Variants in CHL1 observed in about 807,000 individuals in gnomAD.
The protein encoded by CHL1 is neural cell adhesion molecule L1-like protein.
CHL1 carries 96 observed loss-of-function variants against 141.9 expected under a neutral mutation model. The observed-to-expected ratio is 0.68, with a 90% CI of 0.57 to 0.80. The LOEUF (loss-of-function observed/expected upper bound fraction) is 0.80. Among genes scored for constraint, CHL1 ranks in the 30% least tolerant of loss-of-function variants. CHL1 has a pLI of 0.00. For synonymous variants in CHL1, 613 were observed against 502.2 expected, an observed-to-expected ratio of 1.22 and a Z score of -2.95; for missense variants, 1,820 against 1,457.2, an observed-to-expected ratio of 1.25 and a Z score of -4.05.
At chr3:405,453 T>C in intron 27 of CHL1, 42 bp from the exon 28 acceptor site, 2 of 1,246,420 alleles carry the variant, frequency 1.6e-6, no homozygotes, top group Non-Finnish European at 2.4e-6. Context: ...TGAATATTAA[T>C]ATTAGATTTT....
intron 1 of CHL1, among the ~76,000 whole-genome samples, chr3:225,207 A>C (rs1701203367): frequency 6.6e-6 from 1 of 152,236 alleles, no homozygotes; most frequent in Admixed American, 6.5e-5. Context: ...TTATTCATTC[A>C]ACATATAATT....
At chr3:211,164 TGAG>T (rs1202249422) in intron 1 of CHL1, among the ~76,000 whole-genome samples, 10 of 152,304 alleles carry the variant, frequency 6.6e-5, no homozygotes, top group African/African-American at 2.4e-4. Context: ...GCTTCACTCT[TGAG>T]GAGGGAGAGA....
chr3:275,524 C>T (rs1285917367), intron 2 of CHL1, among the ~76,000 whole-genome samples: 2 of 152,164 alleles, frequency 1.3e-5, no homozygotes, highest in African/African-American at 4.8e-5. Context: ...GTTTTAGGTG[C>T]TATCTGGACT....
intron 2 of CHL1, among the ~76,000 whole-genome samples, chr3:302,479 C>T (rs570125826): frequency 1.3e-5 from 2 of 152,276 alleles, no homozygotes; most frequent in East Asian, 1.9e-4. Context: ...TTTTGATTTG[C>T]ATTTCTCTAA....
chr3:303,773 T>G (rs1396519695), intron 2 of CHL1, among the ~76,000 whole-genome samples: 1 of 152,042 alleles, frequency 6.6e-6, no homozygotes, highest in African/African-American at 2.4e-5. Context: ...TGAATAGGAG[T>G]GGTGAGAGAG....
intron 2 of CHL1, among the ~76,000 whole-genome samples, chr3:294,683 A>G (rs897496477): frequency 3.7e-5 from 4 of 109,050 alleles, no homozygotes; most frequent in Admixed American, 8.5e-5. Context: ...GTAACAGTAC[A>G]GGCATGCCCA....
At position 382,538 on chromosome 3, in the gene CHL1, C is replaced by T; in HGVS notation, c.2043C>T (p.Val681=). 6.2e-7 allele frequency: 1 copy of T among 1,613,766 alleles called. No individual in the cohort carries two copies. The highest frequency in any genetic ancestry group is 1.3e-5 in the African/African-American group (1 of 74,982). ...GAAGGTGGGAGGAACTGACCAGAGT[C>T]CAAGGAAAGAAAACCACAGTTATCT... The part of the protein sequence containing the change: ...EPGRWEELTR[V]QGKKTTVILP... The change falls in exon 18 of 28, where the codon GTC becomes GTT. Residue 681 remains valine, a synonymous_variant. Coordinates refer to ENST00000256509, the MANE Select transcript of CHL1 (RefSeq NM_006614.4).
At chr3:198,831 T>C (rs116013264) in intron 1 of CHL1, among the ~76,000 whole-genome samples, 1,627 of 152,350 alleles carry the variant, frequency 0.011, 31 homozygotes, top group Middle Eastern at 0.037. Context: ...ATATTTGTAC[T>C]GCACAGTCCA....
intron 1 of CHL1, among the ~76,000 whole-genome samples, chr3:201,405 C>G (rs9867115): frequency 0.059 from 9,024 of 152,180 alleles, 291 homozygotes; most frequent in Middle Eastern, 0.11. Flanking sequence ...AGGCATTTTC[C>G]TGAAATGTTG....
chr3:340,976 AT>A, intron 6 of CHL1, 60 bp downstream of exon 6: 4 of 1,502,742 alleles, frequency 2.7e-6, no homozygotes, highest in Non-Finnish European at 3.6e-6. Context: ...CATCATATCA[AT>A]AACATAATGA....
intron 2 of CHL1, among the ~76,000 whole-genome samples, chr3:296,452 G>A (rs1380082048): frequency 6.6e-6 from 1 of 150,684 alleles, no homozygotes; most frequent in Non-Finnish European, 1.5e-5. Flanking sequence ...TCTTCCCTTT[G>A]TAATCACTTC....
chr3:356,934 A>T (rs1703773330), intron 11 of CHL1, among the ~76,000 whole-genome samples: 1 of 152,166 alleles, frequency 6.6e-6, no homozygotes, highest in African/African-American at 2.4e-5. Flanking sequence ...TTTACAAGGT[A>T]TTTTCCTGGC....
At chr3:279,327 C>T (rs764895835) in intron 2 of CHL1, among the ~76,000 whole-genome samples, 22 of 151,850 alleles carry the variant, frequency 1.4e-4, no homozygotes, top group Admixed American at 2.6e-4. Context: ...TTTTGCAGAG[C>T]CTTAAGCTTC....
intron 3 of CHL1, among the ~76,000 whole-genome samples, chr3:320,638 G>C (rs953724315): frequency 1.3e-5 from 2 of 151,894 alleles, no homozygotes; most frequent in African/African-American, 4.8e-5. Flanking sequence ...AGTGTGCAAT[G>C]ATCACACCTG....
At position 332,241 on chromosome 3, in the gene CHL1, G is replaced by C. The variant is rs115577061; in HGVS notation, c.385+3887G>C. Among the ~76,000 whole-genome samples the C allele has an allele frequency of 6.5e-3, 988 of 152,158 alleles. 13 individuals are homozygous for C. The highest frequency in any genetic ancestry group is 0.022 in the African/African-American group (927 of 41,518). Reference sequence around the variant, plus strand: ...AATACTATTCAATAGTAAATAAAACGTCAAGAATATGTTGAGCAATAAAAG... The same window carrying C: ...AATACTATTCAATAGTAAATAAAACCTCAAGAATATGTTGAGCAATAAAAG... On this transcript the variant is annotated intron_variant, in intron 5 of 27. Transcript: ENST00000256509.
chr3:206,197 G>A (rs575089641), intron 1 of CHL1, among the ~76,000 whole-genome samples: 2 of 152,234 alleles, frequency 1.3e-5, no homozygotes, highest in African/African-American at 4.8e-5. Context: ...GCCAGAGGTG[G>A]TGGTGCAAGC....
chr3:221,571 A>G (rs900547636), intron 1 of CHL1, among the ~76,000 whole-genome samples: 4 of 152,206 alleles, frequency 2.6e-5, no homozygotes, highest in Non-Finnish European at 2.9e-5. Context: ...CAAAAAGTCA[A>G]CCCAGTTAGT....
At chr3:238,741 A>T (rs987682575) in intron 1 of CHL1, among the ~76,000 whole-genome samples, 1 of 149,744 alleles carries the variant, frequency 6.7e-6, no homozygotes, top group Non-Finnish European at 1.5e-5. Context: ...CCTAGCTAAC[A>T]TGGTGAAACC....
intron 2 of CHL1, among the ~76,000 whole-genome samples, chr3:267,740 TG>T (rs1268364144): frequency 6.6e-6 from 1 of 152,142 alleles, no homozygotes; most frequent in African/African-American, 2.4e-5. Flanking sequence ...TCAAGAAAAA[TG>T]TGAAAGATTA....
Sources: gnomAD v4.1 joint callset for allele counts (sites outside exome capture counted in the v4.1 genomes callset) on GRCh38, gnomAD v4.1.1 for gene constraint, MANE v1.5 for transcripts, NCBI Gene and HGNC (gene_info 2026-07-23, HGNC 2026-07-21) for gene names.